The following SLC24A2 variants were observed in gnomAD, a reference collection of about 807,000 sequenced individuals.
SLC24A2 encodes sodium/potassium/calcium exchanger 2.
Under a neutral mutation model 62.0 loss-of-function variants are expected in SLC24A2, and 36 were observed. The observed-to-expected ratio is 0.58, with a 90% CI of 0.44 to 0.77. The LOEUF is 0.77. Among genes scored for constraint, SLC24A2 ranks in the 30% least tolerant of loss-of-function variants. SLC24A2 has a pLI of 0.00. For missense variants in SLC24A2, 846 were observed against 817.9 expected, an observed-to-expected ratio of 1.03 and a Z score of -0.42; for synonymous variants, 358 against 294.0, an observed-to-expected ratio of 1.22 and a Z score of -2.23.
intron 2 of SLC24A2, among the ~76,000 whole-genome samples, chr9:19,665,551 T>C (rs1023938025): frequency 2.0e-5 from 3 of 152,166 alleles, no homozygotes; most frequent in African/African-American, 4.8e-5. Flanking sequence ...AAAGTAGATA[T>C]GTATTGCCTG....
chr9:20,132,619 C>T, the SLC24A2 span, among the ~76,000 whole-genome samples: 12 of 152,206 alleles, frequency 7.9e-5, no homozygotes, highest in African/African-American at 2.9e-4. Context: ...AATTCTCATG[C>T]TATGTCTCAG....
At chr9:20,247,691 G>A in the SLC24A2 span, among the ~76,000 whole-genome samples, 15 of 152,174 alleles carry the variant, frequency 9.9e-5, no homozygotes, top group African/African-American at 3.6e-4. Flanking sequence ...TGTTATGACA[G>A]CCCAAACAGA....
the SLC24A2 span, among the ~76,000 whole-genome samples, chr9:20,003,605 C>T: frequency 1.3e-5 from 2 of 151,904 alleles, no homozygotes; most frequent in Non-Finnish European, 2.9e-5. Flanking sequence ...TTATAGATTC[C>T]ACTTGATAGA....
intron 2 of SLC24A2, among the ~76,000 whole-genome samples, chr9:19,735,981 A>G (rs894773276): frequency 3.9e-5 from 6 of 152,166 alleles, no homozygotes; most frequent in African/African-American, 9.7e-5. Flanking sequence ...CGTTGTGCAC[A>G]TGTACCCCAA....
the SLC24A2 span, among the ~76,000 whole-genome samples, chr9:20,200,273 G>C: frequency 5.9e-5 from 9 of 152,104 alleles, no homozygotes; most frequent in African/African-American, 1.9e-4. Context: ...CAAACACTGC[G>C]GGACACTTTC....
the SLC24A2 span, chr9:19,926,265 C>G: frequency 6.6e-6 from 1 of 152,246 alleles, no homozygotes; most frequent in Non-Finnish European, 1.5e-5. Flanking sequence ...TCTTCCTGCC[C>G]CTTTGTTTGA....
At chr9:19,883,809 C>T in the SLC24A2 span, among the ~76,000 whole-genome samples, 1 of 152,096 alleles carries the variant, frequency 6.6e-6, no homozygotes, top group South Asian at 2.1e-4. Flanking sequence ...TCGTGATCCG[C>T]CCACCTTGGC....
At chr9:19,660,121 G>C (rs750385508) in intron 2 of SLC24A2, among the ~76,000 whole-genome samples, 1 of 152,170 alleles carries the variant, frequency 6.6e-6, no homozygotes, top group Non-Finnish European at 1.5e-5. Flanking sequence ...TTCTCTGCCT[G>C]TTGTCCCTTC....
At chr9:19,717,706 T>G (rs1046792750) in intron 2 of SLC24A2, among the ~76,000 whole-genome samples, 1 of 152,206 alleles carries the variant, frequency 6.6e-6, no homozygotes, top group African/African-American at 2.4e-5. Context: ...ATTCTAAATT[T>G]TTTAGCTGAC....
At chr9:19,761,492 A>ATTTTATTTTATTTTT in intron 2 of SLC24A2, among the ~76,000 whole-genome samples, 1 of 148,778 alleles carries the variant, frequency 6.7e-6, no homozygotes, top group African/African-American at 2.5e-5. Flanking sequence ...ATTTTATTTT[A>ATTTTATTTTATTTTT]TTATTATACT....
chr9:20,221,452 G>A, the SLC24A2 span, among the ~76,000 whole-genome samples: 20,825 of 151,792 alleles, frequency 0.14, 1,655 homozygotes, highest in African/African-American at 0.22. Context: ...AAACAAACAA[G>A]ACTTGTTTTG....
At chr9:19,720,404 G>A (rs1820988139) in intron 2 of SLC24A2, among the ~76,000 whole-genome samples, 1 of 152,138 alleles carries the variant, frequency 6.6e-6, no homozygotes, top group Admixed American at 6.5e-5. Flanking sequence ...CTGTGAAAGA[G>A]CTGCAAAAGA....
the SLC24A2 span, among the ~76,000 whole-genome samples, chr9:20,220,389 A>T: frequency 2.0e-5 from 3 of 152,164 alleles, no homozygotes; most frequent in African/African-American, 7.2e-5. Flanking sequence ...CATGTTCACT[A>T]AAATTGAGCT....
chr9:20,234,654 T>C, the SLC24A2 span, among the ~76,000 whole-genome samples: 1 of 152,230 alleles, frequency 6.6e-6, no homozygotes, highest in Non-Finnish European at 1.5e-5. Flanking sequence ...GCTTTTAACT[T>C]CTTTGCCATT....
chr9:20,120,886 C>T, the SLC24A2 span, among the ~76,000 whole-genome samples: 1 of 151,530 alleles, frequency 6.6e-6, no homozygotes. Context: ...ATAATATCTT[C>T]TTTCATTGAA....
the SLC24A2 span, among the ~76,000 whole-genome samples, chr9:20,230,944 C>G: frequency 1.3e-5 from 2 of 152,288 alleles, no homozygotes; most frequent in African/African-American, 4.8e-5. Flanking sequence ...TCTCAGCTTT[C>G]TACATATGGC....
the SLC24A2 span, among the ~76,000 whole-genome samples, chr9:20,228,222 C>A: frequency 6.6e-6 from 1 of 152,034 alleles, no homozygotes; most frequent in South Asian, 2.1e-4. Context: ...ACCTAAATTT[C>A]CTCTTAGTAG....
the SLC24A2 span, among the ~76,000 whole-genome samples, chr9:20,266,050 G>C: frequency 6.6e-6 from 1 of 152,164 alleles, no homozygotes; most frequent in Non-Finnish European, 1.5e-5. Flanking sequence ...TGTTATCAAT[G>C]ACAATGCGTG....
the SLC24A2 span, among the ~76,000 whole-genome samples, chr9:20,105,747 G>A: frequency 6.6e-6 from 1 of 151,888 alleles, no homozygotes; most frequent in African/African-American, 2.4e-5. Flanking sequence ...GAGAAAGCAG[G>A]AAAGATCCAA....
Sources: allele counts gnomAD v4.1 joint callset (sites outside exome capture counted in the v4.1 genomes callset), GRCh38; gene constraint gnomAD v4.1.1; transcripts MANE v1.5; gene names NCBI Gene and HGNC (gene_info 2026-07-23, HGNC 2026-07-21).